The following KLF12 variants were observed in gnomAD, a reference collection of about 807,000 sequenced individuals.
KLF12 encodes the protein KLF transcription factor 12.
Under a neutral mutation model 37.8 loss-of-function variants are expected in KLF12, and 9 were observed. The observed-to-expected ratio is 0.24, with a 90% CI of 0.14 to 0.42. The LOEUF is 0.42. Ranked by LOEUF, KLF12 falls within the 10% of genes least tolerant of loss-of-function variation. The pLI, the probability that KLF12 is intolerant of heterozygous loss-of-function variation, is 1.00. For synonymous variants in KLF12, 208 were observed against 202.1 expected, an observed-to-expected ratio of 1.03 and a Z score of -0.25; for missense variants, 411 against 516.0, an observed-to-expected ratio of 0.80 and a Z score of 1.97.
intron 4 of KLF12, among the ~76,000 whole-genome samples, chr13:73,841,729 C>T (rs938259107): frequency 1.6e-4 from 24 of 152,188 alleles, no homozygotes; most frequent in Non-Finnish European, 2.6e-4. Flanking sequence ...TGACAAAAAC[C>T]GCAATTACTT....
At chr13:74,093,689 T>C (rs1164736306) in intron 1 of KLF12, among the ~76,000 whole-genome samples, 1 of 151,242 alleles carries the variant, frequency 6.6e-6, no homozygotes, top group East Asian at 1.9e-4. Context: ...AAAAAGAAAA[T>C]AGTTAAGAAT....
intron 1 of KLF12, among the ~76,000 whole-genome samples, chr13:74,028,814 A>G (rs1893040363): frequency 7.6e-6 from 1 of 131,184 alleles, no homozygotes; most frequent in East Asian, 2.2e-4. Flanking sequence ...TTAAATTAAT[A>G]TAAGAAAAAG....
At chr13:73,818,853 C>A (rs557179070) in intron 4 of KLF12, among the ~76,000 whole-genome samples, 2 of 152,208 alleles carry the variant, frequency 1.3e-5, no homozygotes, top group South Asian at 2.1e-4. Context: ...CTTTTAGCTA[C>A]GGACAGGCTC....
intron 2 of KLF12, among the ~76,000 whole-genome samples, chr13:73,956,988 AAGGGAAAGG>A (rs1436831967): frequency 1.4e-5 from 2 of 145,948 alleles, no homozygotes; most frequent in Non-Finnish European, 3.0e-5. Flanking sequence ...GAAAGGAGGG[AAGGGAAAGG>A]AGGGAAAGGA....
intron 3 of KLF12, among the ~76,000 whole-genome samples, chr13:73,899,078 G>C (rs1413496013): frequency 6.6e-6 from 1 of 152,252 alleles, no homozygotes; most frequent in Non-Finnish European, 1.5e-5. Flanking sequence ...TCTGACATCA[G>C]GGAATGGATG....
chr13:73,831,476 T>C (rs1463299816), intron 4 of KLF12, among the ~76,000 whole-genome samples: 4 of 152,206 alleles, frequency 2.6e-5, no homozygotes, highest in African/African-American at 9.6e-5. Flanking sequence ...TTACATACTT[T>C]GCTACCTTTT....
intron 1 of KLF12, among the ~76,000 whole-genome samples, chr13:74,113,359 TAGAG>T (rs1411357677): frequency 3.9e-5 from 6 of 152,160 alleles, no homozygotes; most frequent in South Asian, 2.1e-4. Flanking sequence ...TTCATATAGT[TAGAG>T]AGGAGAAGTC....
At chr13:74,185,595 T>C in the KLF12 span, among the ~76,000 whole-genome samples, 1 of 152,148 alleles carries the variant, frequency 6.6e-6, no homozygotes, top group Non-Finnish European at 1.5e-5. Context: ...TCCTGGAACT[T>C]TCAGCACAGA....
intron 3 of KLF12, among the ~76,000 whole-genome samples, chr13:73,913,288 T>G (rs748944031): frequency 6.6e-6 from 1 of 152,212 alleles, no homozygotes; most frequent in Non-Finnish European, 1.5e-5. Flanking sequence ...AGCAAGTCAT[T>G]TTAGGGTTTC....
chr13:73,826,046 C>A (rs993343448), intron 4 of KLF12, among the ~76,000 whole-genome samples: 16 of 151,930 alleles, frequency 1.1e-4, no homozygotes, highest in African/African-American at 3.9e-4. Context: ...GATCTCGGCT[C>A]ACTGCAAGCT....
chr13:73,797,716 G>A (rs1018588831), intron 5 of KLF12, among the ~76,000 whole-genome samples: 1 of 141,518 alleles, frequency 7.1e-6, no homozygotes, highest in Non-Finnish European at 1.5e-5. Flanking sequence ...GCTTTAATGA[G>A]CTATGATCAT....
the KLF12 span, among the ~76,000 whole-genome samples, chr13:74,197,500 C>A: frequency 2.0e-5 from 3 of 152,064 alleles, no homozygotes; most frequent in African/African-American, 4.8e-5. Context: ...CAGACACACT[C>A]ACACACTTAG....
At chr13:74,103,946 T>C (rs1041690029) in intron 1 of KLF12, among the ~76,000 whole-genome samples, 7 of 152,334 alleles carry the variant, frequency 4.6e-5, no homozygotes, top group African/African-American at 1.7e-4. Flanking sequence ...CCTGATATTG[T>C]AATAGATCCT....
upstream of KLF12, among the ~76,000 whole-genome samples, chr13:74,137,263 A>T (rs898118207): frequency 2.6e-5 from 4 of 152,226 alleles, no homozygotes; most frequent in African/African-American, 9.7e-5. Context: ...CCTTAATTCA[A>T]GAGGACCATG....
intron 7 of KLF12, 55 bp downstream of exon 7, chr13:73,715,313 C>T (rs769167842): frequency 1.5e-5 from 23 of 1,537,732 alleles, no homozygotes; most frequent in Non-Finnish European, 1.1e-5. Flanking sequence ...GGTAAGTGGC[C>T]GGCGCTTTAT....
At chr13:73,700,101 G>C (rs74354863) in intron 7 of KLF12, among the ~76,000 whole-genome samples, 17,584 of 151,756 alleles carry the variant, frequency 0.12, 1,279 homozygotes, top group South Asian at 0.23. Flanking sequence ...AAAACCTTAT[G>C]TCTATCAAAT....
chr13:73,727,751 G>C (rs1393566231), intron 6 of KLF12, among the ~76,000 whole-genome samples: 1 of 150,372 alleles, frequency 6.7e-6, no homozygotes, highest in Admixed American at 6.6e-5. Context: ...AGGCTGCAGT[G>C]CAGTGGCGTG....
chr13:74,176,194 G>A, the KLF12 span, among the ~76,000 whole-genome samples: 4 of 152,126 alleles, frequency 2.6e-5, no homozygotes, highest in Non-Finnish European at 5.9e-5. Flanking sequence ...GTGTGTGAGT[G>A]ATATGGAGGG....
intron 6 of KLF12, among the ~76,000 whole-genome samples, chr13:73,738,130 C>CATATATGTATATGT (rs1566331437): frequency 1.2e-5 from 1 of 80,078 alleles, no homozygotes; most frequent in South Asian, 3.6e-4. Context: ...TATATACACA[C>CATATATGTATATGT]ACACACATAT....
Sources: allele counts gnomAD v4.1 joint callset (sites outside exome capture counted in the v4.1 genomes callset), GRCh38; gene constraint gnomAD v4.1.1; transcripts MANE v1.5; gene names NCBI Gene and HGNC (gene_info 2026-07-23, HGNC 2026-07-21).